RBFOX1: variants seen among roughly 807,000 people sequenced by gnomAD.
RBFOX1 encodes the protein RNA binding protein fox-1 homolog 1.
RBFOX1 carries 8 observed loss-of-function variants against 57.7 expected under a neutral mutation model. The observed-to-expected ratio is 0.14, with a 90% CI of 0.08 to 0.25. The LOEUF (loss-of-function observed/expected upper bound fraction) is 0.25. Among genes scored for constraint, RBFOX1 ranks in the 10% least tolerant of loss-of-function variants. RBFOX1 has a pLI of 1.00. For missense variants in RBFOX1, 611 were observed against 548.5 expected, an observed-to-expected ratio of 1.11 and a Z score of -1.14; for synonymous variants, 326 against 222.4, an observed-to-expected ratio of 1.47 and a Z score of -4.15.
chr16:7,079,672 TA>T (rs1167628781), intron 4 of RBFOX1, among the ~76,000 whole-genome samples: 4 of 152,238 alleles, frequency 2.6e-5, no homozygotes, highest in African/African-American at 9.6e-5. Flanking sequence ...GAGTGAAAAG[TA>T]AACATTTTCC....
intron 3 of RBFOX1, among the ~76,000 whole-genome samples, chr16:5,855,087 TGTTGA>T (rs1458470909): frequency 1.3e-5 from 2 of 152,240 alleles, no homozygotes; most frequent in Admixed American, 6.5e-5. Flanking sequence ...TTTTTTCTGC[TGTTGA>T]GTTGTTTGAG....
chr16:6,598,943 G>A (rs1304902586), intron 2 of RBFOX1, among the ~76,000 whole-genome samples: 1 of 123,188 alleles, frequency 8.1e-6, no homozygotes, highest in Non-Finnish European at 1.9e-5. Flanking sequence ...AAGACTCCAT[G>A]TTAAAAACAA....
chr16:7,700,894 C>CTATGGGTAAATGGT (rs2080461174), intron 14 of RBFOX1, among the ~76,000 whole-genome samples: 1 of 152,074 alleles, frequency 6.6e-6, no homozygotes, highest in Non-Finnish European at 1.5e-5. Context: ...ATCTGATTTG[C>CTATGGGTAAATGGT]CATGGGTAAA....
At chr16:6,896,315 C>A (rs1014819717) in intron 3 of RBFOX1, among the ~76,000 whole-genome samples, 2 of 152,144 alleles carry the variant, frequency 1.3e-5, no homozygotes, top group Non-Finnish European at 2.9e-5. Context: ...CAAGTACACT[C>A]TTTTAGTTAT....
chr16:6,830,020 G>A (rs1410491588), intron 3 of RBFOX1, among the ~76,000 whole-genome samples: 5 of 152,116 alleles, frequency 3.3e-5, no homozygotes, highest in Non-Finnish European at 7.4e-5. Flanking sequence ...GGGTTCAAGT[G>A]ATTCTCATGC....
intron 2 of RBFOX1, among the ~76,000 whole-genome samples, chr16:5,557,259 C>CAATAAATAAATAAATA (rs201351265): frequency 7.0e-6 from 1 of 143,472 alleles, no homozygotes; most frequent in African/African-American, 2.7e-5. Context: ...GACTCCATCT[C>CAATAAATAAATAAATA]AATAAATAAA....
intron 3 of RBFOX1, among the ~76,000 whole-genome samples, chr16:6,854,402 T>G (rs2057409833): frequency 6.6e-6 from 1 of 152,026 alleles, no homozygotes; most frequent in Non-Finnish European, 1.5e-5. Flanking sequence ...AGGAATATTT[T>G]ATATAAATAT....
At position 5,996,653 on chromosome 16, in the gene RBFOX1, T is replaced by C. The variant is rs551867065; in HGVS notation, c.351+129318T>C. 2.6e-5 allele frequency among the ~76,000 whole-genome samples: 4 copies of C among 152,162 alleles called. No homozygotes were observed. In the South Asian group the frequency reaches 8.3e-4, roughly 32 times the overall value. ...ATTGCAGCATAGGCATTTACCACCT[T>C]GGGGCTTGAAGGGGTAAGAGAGAGA... On this transcript the variant is annotated intron_variant, in intron 4 of 19. Coordinates refer to the RBFOX1 transcript ENST00000641259.
intron 3 of RBFOX1, among the ~76,000 whole-genome samples, chr16:5,687,658 C>G (rs1169355338): frequency 6.6e-6 from 1 of 152,146 alleles, no homozygotes; most frequent in Non-Finnish European, 1.5e-5. Flanking sequence ...CCTAGGGTGA[C>G]CGACCATTCC....
intron 5 of RBFOX1, among the ~76,000 whole-genome samples, chr16:7,520,010 C>G (rs2077187430): frequency 6.6e-6 from 1 of 152,060 alleles, no homozygotes; most frequent in Non-Finnish European, 1.5e-5. Context: ...CTCAGTCTCC[C>G]GAGTAGCTGG....
At chr16:5,672,331 G>C (rs989144970) in intron 3 of RBFOX1, among the ~76,000 whole-genome samples, 10 of 152,238 alleles carry the variant, frequency 6.6e-5, no homozygotes, top group Non-Finnish European at 1.3e-4. Context: ...CCATGTGTCA[G>C]GAGGGCTCTT....
intron 2 of RBFOX1, among the ~76,000 whole-genome samples, chr16:6,440,572 C>A (rs2094354992): frequency 6.6e-6 from 1 of 152,060 alleles, no homozygotes; most frequent in Non-Finnish European, 1.5e-5. Context: ...GAGGCTGAGG[C>A]AGGCGGATCA....
At chr16:7,600,592 C>T (rs1398858007) in intron 9 of RBFOX1, among the ~76,000 whole-genome samples, 2 of 152,162 alleles carry the variant, frequency 1.3e-5, no homozygotes, top group African/African-American at 4.8e-5. Flanking sequence ...AATTCATTCT[C>T]ACAAAGCATA....
chr16:5,734,524 C>G (rs773269608), intron 3 of RBFOX1, among the ~76,000 whole-genome samples: 1 of 152,208 alleles, frequency 6.6e-6, no homozygotes, highest in Non-Finnish European at 1.5e-5. Context: ...GGAGTGTTGC[C>G]ATTGCCAAAG....
intron 3 of RBFOX1, among the ~76,000 whole-genome samples, chr16:6,757,070 G>T (rs536121949): frequency 6.6e-6 from 1 of 152,154 alleles, no homozygotes; most frequent in Admixed American, 6.5e-5. Flanking sequence ...CTAATTATGA[G>T]GGAAATGCAG....
chr16:7,116,561 A>T (rs984026962), intron 4 of RBFOX1, among the ~76,000 whole-genome samples: 3 of 152,188 alleles, frequency 2.0e-5, no homozygotes, highest in Non-Finnish European at 4.4e-5. Context: ...CCACTAAATG[A>T]GTCCATTAAA....
At chr16:5,446,189 A>G (rs778313812) in intron 1 of RBFOX1, among the ~76,000 whole-genome samples, 1 of 152,146 alleles carries the variant, frequency 6.6e-6, no homozygotes, top group Non-Finnish European at 1.5e-5. Context: ...GGACAATAGG[A>G]GTCTAGAAAC....
chr16:6,229,529 T>G (rs2097442804), intron 1 of RBFOX1, among the ~76,000 whole-genome samples: 1 of 152,196 alleles, frequency 6.6e-6, no homozygotes, highest in Admixed American at 6.5e-5. Context: ...TTTTGCTTTT[T>G]TGAGCCGCTC....
intron 3 of RBFOX1, among the ~76,000 whole-genome samples, chr16:5,658,756 A>G (rs1282064297): frequency 6.8e-6 from 1 of 146,330 alleles, no homozygotes; most frequent in African/African-American, 2.5e-5. Flanking sequence ...ATATATATAT[A>G]TATGTGTATG....
Sources: allele counts gnomAD v4.1 joint callset (sites outside exome capture counted in the v4.1 genomes callset), GRCh38; gene constraint gnomAD v4.1.1; transcripts MANE v1.5; gene names NCBI Gene and HGNC (gene_info 2026-07-23, HGNC 2026-07-21).